WASHC3: variants seen among roughly 807,000 people sequenced by gnomAD.
The protein encoded by WASHC3 is WASH complex subunit CCDC53.
WASHC3 carries 24 observed loss-of-function variants against 26.1 expected under a neutral mutation model. The observed-to-expected ratio is 0.92, with a 90% confidence interval of 0.66 to 1.29. WASHC3 has a LOEUF of 1.29. Among genes scored for constraint, WASHC3 ranks in the 50% most tolerant of loss-of-function variants. The pLI is 0.00. For synonymous variants in WASHC3, 77 were observed against 75.7 expected (o/e 1.02, Z -0.09); for missense variants, 214 against 229.6 (o/e 0.93, Z 0.44).
intron 6 of WASHC3, among the ~76,000 whole-genome samples, chr12:102,016,459 C>T (rs1053773481): frequency 3.9e-5 from 6 of 152,216 alleles, no homozygotes; most frequent in Non-Finnish European, 5.9e-5. Context: ...CCTGCCTCAG[C>T]CTCCTAAAGT....
chr12:102,032,749 C>T (rs1877489877), intron 5 of WASHC3, among the ~76,000 whole-genome samples: 1 of 152,058 alleles, frequency 6.6e-6, no homozygotes. Flanking sequence ...GGTGACATGA[C>T]TTGATGTGAT....
At chr12:102,029,881 G>T (rs1027599152) in intron 5 of WASHC3, among the ~76,000 whole-genome samples, 1 of 152,086 alleles carries the variant, frequency 6.6e-6, no homozygotes, top group African/African-American at 2.4e-5. Context: ...TTGAAAAAAC[G>T]CTACGGGTTG....
chr12:102,029,141 A>C (rs1877326218), intron 5 of WASHC3, among the ~76,000 whole-genome samples: 1 of 152,236 alleles, frequency 6.6e-6, no homozygotes, highest in African/African-American at 2.4e-5. Context: ...GTTGCTTAGA[A>C]AATTCGTTGT....
intron 6 of WASHC3, among the ~76,000 whole-genome samples, chr12:102,017,017 T>C (rs1876735244): frequency 6.6e-6 from 1 of 152,208 alleles, no homozygotes; most frequent in African/African-American, 2.4e-5. Context: ...TCACTCCCTA[T>C]TCACTCACTA....
intron 5 of WASHC3, among the ~76,000 whole-genome samples, chr12:102,034,742 A>G (rs1484878326): frequency 1.3e-5 from 2 of 151,712 alleles, no homozygotes; most frequent in Non-Finnish European, 2.9e-5. Flanking sequence ...TATTAGGAGG[A>G]AAATGTAAAC....
At position 102,014,464 on chromosome 12, in the gene WASHC3, T is replaced by A. The variant is rs557136935; in HGVS notation, c.501-1272A>T. 5.9e-5 allele frequency among the ~76,000 whole-genome samples: 9 copies of A among 152,116 alleles called. No individual in the cohort carries two copies. In the South Asian group the frequency reaches 1.7e-3, roughly 28 times the overall value. ...CATTTAGGACACTTAAAAATAAAAC[T>A]CATATTCACCACAAACAGAAATTAC... On this transcript the variant is annotated intron_variant, in intron 6 of 6. Coordinates refer to ENST00000240079, the MANE Select transcript of WASHC3 (RefSeq NM_016053.4).
intron 6 of WASHC3, among the ~76,000 whole-genome samples, chr12:102,016,649 C>T (rs970920906): frequency 1.3e-5 from 2 of 152,164 alleles, no homozygotes; most frequent in African/African-American, 4.8e-5. Context: ...GTTATTGCCC[C>T]TGAAGACCTT....
chr12:102,037,026 C>A (rs1327980729), intron 5 of WASHC3, among the ~76,000 whole-genome samples: 1 of 152,078 alleles, frequency 6.6e-6, no homozygotes, highest in Non-Finnish European at 1.5e-5. Flanking sequence ...TTAAGCAATT[C>A]TTAATCAGGA....
intron 2 of WASHC3, among the ~76,000 whole-genome samples, chr12:102,058,007 A>G (rs953003966): frequency 6.6e-6 from 1 of 152,090 alleles, no homozygotes; most frequent in Non-Finnish European, 1.5e-5. Flanking sequence ...TGATTTGAAA[A>G]TCTACCACAA....
intron 5 of WASHC3, among the ~76,000 whole-genome samples, chr12:102,030,192 G>A (rs1256433923): frequency 6.6e-6 from 1 of 151,812 alleles, no homozygotes; most frequent in African/African-American, 2.4e-5. Context: ...CTACTCAGGA[G>A]GCTGAGGTAG....
At position 102,042,449 on chromosome 12, in the gene WASHC3, A is replaced by G. The variant is rs529052557; in HGVS notation, c.324+1656T>C. The stretch of plus-strand genomic sequence containing the variant: ...ACAGGTACTGAAAACAGTGTAGTGT[A>G]GTGTAGTATAGTGTAGTGAAGCAGG... On this transcript the variant is annotated intron_variant, in intron 4 of 6. Transcript: ENST00000240079. 3.9e-5 allele frequency among the ~76,000 whole-genome samples: 6 copies of G among 152,256 alleles called. No homozygotes were observed. In the South Asian group the frequency reaches 1.2e-3, roughly 32 times the overall value.
At chr12:102,015,250 C>T (rs1490069466) in intron 6 of WASHC3, among the ~76,000 whole-genome samples, 2 of 151,922 alleles carry the variant, frequency 1.3e-5, no homozygotes, top group Non-Finnish European at 2.9e-5. Flanking sequence ...GTGACCATGC[C>T]TGGGCACTCC....
intron 6 of WASHC3, among the ~76,000 whole-genome samples, chr12:102,018,564 C>A (rs1420899036): frequency 6.6e-6 from 1 of 152,158 alleles, no homozygotes; most frequent in Non-Finnish European, 1.5e-5. Flanking sequence ...CCTCAGCCTC[C>A]TGGGCTCAAG....
intron 6 of WASHC3, among the ~76,000 whole-genome samples, chr12:102,014,218 G>A (rs954945695): frequency 2.0e-5 from 3 of 150,912 alleles, no homozygotes; most frequent in African/African-American, 7.3e-5. Flanking sequence ...GAGTAGAGGT[G>A]TGTGCCACCA....
At chr12:102,034,391 G>T (rs1198936024) in intron 5 of WASHC3, among the ~76,000 whole-genome samples, 11 of 152,044 alleles carry the variant, frequency 7.2e-5, no homozygotes. Flanking sequence ...CTTCTCTGAG[G>T]CATTTTCTAA....
At chr12:102,053,789 A>G (rs1878484993) in intron 2 of WASHC3, among the ~76,000 whole-genome samples, 1 of 152,246 alleles carries the variant, frequency 6.6e-6, no homozygotes, top group African/African-American at 2.4e-5. Flanking sequence ...AAAAATGTAT[A>G]CAGTCAAATT....
At chr12:102,032,185 C>T (rs1457499326) in intron 5 of WASHC3, among the ~76,000 whole-genome samples, 1 of 152,098 alleles carries the variant, frequency 6.6e-6, no homozygotes, top group Non-Finnish European at 1.5e-5. Flanking sequence ...CCACCACTGG[C>T]AATGGATGCA....
At chr12:102,022,612 C>T (rs1443026785) in intron 6 of WASHC3, among the ~76,000 whole-genome samples, 2 of 152,134 alleles carry the variant, frequency 1.3e-5, no homozygotes, top group Non-Finnish European at 1.5e-5. Flanking sequence ...TCTCTAAAGC[C>T]GGCCTTATCC....
chr12:102,044,622 A>C (rs945177298), intron 3 of WASHC3, among the ~76,000 whole-genome samples: 1 of 152,174 alleles, frequency 6.6e-6, no homozygotes, highest in Non-Finnish European at 1.5e-5. Flanking sequence ...TCTATTGATA[A>C]TACTTCGAAA....
Sources: allele counts gnomAD v4.1 joint callset (sites outside exome capture counted in the v4.1 genomes callset), GRCh38; gene constraint gnomAD v4.1.1; transcripts MANE v1.5; gene names NCBI Gene and HGNC (gene_info 2026-07-23, HGNC 2026-07-21).